The following CDH22 variants were observed in gnomAD, a reference collection of about 807,000 sequenced individuals.
CDH22 encodes cadherin-22.
A neutral mutation model predicts 58.4 loss-of-function variants in CDH22; 30 were observed. The ratio of observed to expected loss-of-function variants is 0.51; its 90% CI spans 0.38 to 0.70. The LOEUF is 0.70. CDH22 is among the 30% of genes least tolerant of loss of function. The pLI is 0.00. For synonymous variants in CDH22, 513 were observed against 558.2 expected (o/e 0.92, Z 1.14); for missense variants, 1,014 against 1,233.9 (o/e 0.82, Z 2.67).
intron 2 of CDH22, among the ~76,000 whole-genome samples, chr20:46,245,362 T>G (rs1027543276): frequency 2.0e-5 from 3 of 152,136 alleles, no homozygotes; most frequent in Admixed American, 2.0e-4. Flanking sequence ...CACATGCCCC[T>G]CTACTCCACA....
intron 1 of CDH22, among the ~76,000 whole-genome samples, chr20:46,288,718 A>T (rs1330975760): frequency 2.0e-5 from 3 of 152,166 alleles, no homozygotes; most frequent in African/African-American, 7.2e-5. Flanking sequence ...AAAGCCTTGA[A>T]GTCAGTCTTG....
At chr20:46,304,990 C>G (rs933171509) in intron 1 of CDH22, among the ~76,000 whole-genome samples, 5 of 152,226 alleles carry the variant, frequency 3.3e-5, no homozygotes, top group African/African-American at 1.2e-4. Context: ...AGTCCCCGCT[C>G]TCCTCCTGCA....
At chr20:46,186,480 G>C in intron 10 of CDH22, 108 bp downstream of exon 10, 1 of 783,056 alleles carries the variant, frequency 1.3e-6, no homozygotes, top group Non-Finnish European at 2.1e-6. Context: ...TGTGATCTTA[G>C]ATCCAACATA....
chr20:46,222,022 A>T (rs1178094079), intron 4 of CDH22, among the ~76,000 whole-genome samples: 1 of 151,940 alleles, frequency 6.6e-6, no homozygotes, highest in African/African-American at 2.4e-5. Context: ...TCTTTCCACC[A>T]TTTACATGCT....
Position 46,204,417 on chromosome 20 carries a change from A to AAAAG in CDH22, c.1287-4859_1287-4858insCTTT, listed in dbSNP as rs1380356797. On this transcript the variant is annotated intron_variant, in intron 7 of 11. Transcript: ENST00000537909. The stretch of plus-strand genomic sequence containing the variant: ...TCAAAAAAAAAAAAAAAAAAAAAAA[A>AAAAG]AGAGAGAGAGACAGAGATAGTAATA... Among the ~76,000 whole-genome samples the AAAAG allele has an allele frequency of 2.2e-4, 25 of 113,844 alleles. 1 individual carries two copies. The highest frequency in any genetic ancestry group is 8.4e-4 in the African/African-American group (24 of 28,588). 74.7% of individuals were successfully genotyped at this position (113,844 alleles called of 152,430 possible). A position where few individuals can be genotyped will look rare whatever the true frequency, so the allele number is the denominator to read the frequency against.
intron 5 of CDH22, among the ~76,000 whole-genome samples, chr20:46,215,351 T>C (rs2086076633): frequency 6.6e-6 from 1 of 152,242 alleles, no homozygotes; most frequent in African/African-American, 2.4e-5. Context: ...CATAAGTTCA[T>C]AAACACAATT....
chr20:46,218,664 C>CA (rs540164380), intron 4 of CDH22, among the ~76,000 whole-genome samples: 2 of 152,182 alleles, frequency 1.3e-5, no homozygotes, highest in Non-Finnish European at 2.9e-5. Flanking sequence ...CAACCCTCTC[C>CA]AGGCCCTAGA....
intron 3 of CDH22, among the ~76,000 whole-genome samples, chr20:46,237,512 G>A (rs2086261831): frequency 6.6e-6 from 1 of 152,148 alleles, no homozygotes; most frequent in African/African-American, 2.4e-5. Context: ...AAAGCTGCCT[G>A]GAGTCTCTGC....
chr20:46,305,194 G>C (rs2086669297), intron 1 of CDH22, among the ~76,000 whole-genome samples: 1 of 152,188 alleles, frequency 6.6e-6, no homozygotes, highest in Admixed American at 6.5e-5. Flanking sequence ...TCTCCTCCAT[G>C]GGCGGAAAGA....
chr20:46,287,544 G>C (rs2086581781), intron 1 of CDH22, among the ~76,000 whole-genome samples: 1 of 151,956 alleles, frequency 6.6e-6, no homozygotes, highest in African/African-American at 2.4e-5. Flanking sequence ...CCTGAGGCTG[G>C]ATGGATTTTG....
At chr20:46,290,684 G>A (rs1039207974) in intron 1 of CDH22, among the ~76,000 whole-genome samples, 1 of 152,184 alleles carries the variant, frequency 6.6e-6, no homozygotes, top group East Asian at 1.9e-4. Flanking sequence ...CTAAGGGAGA[G>A]GAAGGGGGTT....
chr20:46,176,287 T>C (rs188027819), intron 11 of CDH22, among the ~76,000 whole-genome samples: 454 of 152,310 alleles, frequency 3.0e-3, no homozygotes, highest in African/African-American at 9.4e-3. Flanking sequence ...TCCCCTGAAA[T>C]CTAGATTGTA....
At chr20:46,275,494 G>T (rs563311683) in intron 1 of CDH22, among the ~76,000 whole-genome samples, 1 of 152,044 alleles carries the variant, frequency 6.6e-6, no homozygotes, top group African/African-American at 2.4e-5. Flanking sequence ...CATATTATGC[G>T]ATTTACTTAT....
At position 46,277,136 on chromosome 20, in the gene CDH22, C is replaced by A. The variant is rs1600724621; in HGVS notation, c.-399-25443G>T. Among the ~76,000 whole-genome samples, 3 of 141,758 alleles carry A rather than the reference C, an allele frequency of 2.1e-5. 1 individual carries two copies. The Admixed American group carries it at 2.1e-4, about 10-fold the overall frequency. 93.0% of individuals were successfully genotyped at this position (141,758 alleles called of 152,430 possible). ...AGACCCTGTCTCTAGTGAGACTCCA[C>A]CTCTAAAGAAAAAAAAAAAAAAGGA... is the stretch of plus-strand genomic sequence containing the variant. On this transcript the variant is annotated intron_variant, in intron 1 of 11. Coordinates refer to ENST00000537909, the MANE Select transcript of CDH22 (RefSeq NM_021248.3).
chr20:46,268,531 G>T (rs184945563), intron 1 of CDH22, among the ~76,000 whole-genome samples: 3 of 152,318 alleles, frequency 2.0e-5, no homozygotes, highest in Admixed American at 2.0e-4. Context: ...CCACACACGG[G>T]TTCCCTCCCT....
At chr20:46,248,789 TG>T (rs1330371548) in intron 2 of CDH22, among the ~76,000 whole-genome samples, 1 of 152,050 alleles carries the variant, frequency 6.6e-6, no homozygotes, top group Non-Finnish European at 1.5e-5. Context: ...CCAGCCTGGG[TG>T]GGCAACAGAG....
At chr20:46,206,804 C>A (rs537570166) in intron 7 of CDH22, among the ~76,000 whole-genome samples, 3 of 152,236 alleles carry the variant, frequency 2.0e-5, no homozygotes, top group African/African-American at 4.8e-5. Flanking sequence ...GGGCAGGGAT[C>A]CTGTTTTATC....
intron 10 of CDH22, among the ~76,000 whole-genome samples, chr20:46,182,846 T>C (rs554801773): frequency 6.6e-6 from 1 of 152,308 alleles, no homozygotes; most frequent in East Asian, 1.9e-4. Flanking sequence ...GTTTGTCACC[T>C]AGGATATTTA....
intron 1 of CDH22, among the ~76,000 whole-genome samples, chr20:46,266,911 C>CT (rs3091411): frequency 0.015 from 2,087 of 140,794 alleles, 23 homozygotes; most frequent in Middle Eastern, 0.033. Context: ...CTATAGGGTG[C>CT]TTTTTTTTTT....
Sources: allele counts gnomAD v4.1 joint callset (sites outside exome capture counted in the v4.1 genomes callset), GRCh38; gene constraint gnomAD v4.1.1; transcripts MANE v1.5; gene names NCBI Gene and HGNC (gene_info 2026-07-23, HGNC 2026-07-21).